The following SMARCD1 variants were observed in gnomAD, a reference collection of about 807,000 sequenced individuals.
The protein encoded by SMARCD1 is SWI/SNF related BAF chromatin remodeling complex subunit D1.
A neutral mutation model predicts 70.8 loss-of-function variants in SMARCD1; 16 were observed. That is an observed-to-expected ratio of 0.23 (90% CI 0.15 to 0.34). SMARCD1 has a LOEUF of 0.34. Ranked by LOEUF, SMARCD1 falls within the 10% of genes least tolerant of loss-of-function variation. SMARCD1 has a pLI of 1.00. For synonymous variants in SMARCD1, 249 were observed against 246.0 expected, an observed-to-expected ratio of 1.01 and a Z score of -0.11; for missense variants, 409 against 655.5, an observed-to-expected ratio of 0.62 and a Z score of 4.11.
intron 5 of SMARCD1, chr12:50,088,315 T>TG: frequency 1.4e-6 from 1 of 700,042 alleles, no homozygotes; most frequent in Non-Finnish European, 2.6e-6. Context: ...CTCTATGTGT[T>TG]CTAGGCTGCT....
intron 10 of SMARCD1, among the ~76,000 whole-genome samples, chr12:50,095,998 A>C (rs1950890513): frequency 6.6e-6 from 1 of 152,208 alleles, no homozygotes; most frequent in African/African-American, 2.4e-5. Flanking sequence ...GATCACTTGC[A>C]GGAAGGTGGA....
intron 10 of SMARCD1, among the ~76,000 whole-genome samples, chr12:50,094,829 G>A (rs1002551093): frequency 2.0e-5 from 3 of 151,972 alleles, no homozygotes; most frequent in Non-Finnish European, 2.9e-5. Flanking sequence ...CAGGAGTCTC[G>A]CTCTCTCGCC....
chr12:50,087,290 G>A, intron 4 of SMARCD1, 73 bp from the exon 5 acceptor site: 1 of 1,569,854 alleles, frequency 6.4e-7, no homozygotes, highest in Non-Finnish European at 8.7e-7. Flanking sequence ...TAATTTTGGG[G>A]TTTGGGGAGA....
intron 9 of SMARCD1, 115 bp from the exon 10 acceptor site, chr12:50,094,322 C>A: frequency 1.0e-6 from 1 of 1,001,428 alleles, no homozygotes; most frequent in Non-Finnish European, 1.5e-6. Flanking sequence ...CGAAAGTTCT[C>A]GGGCCCTTTT....
chr12:50,089,858 AC>A, intron 6 of SMARCD1, 25 bp from the exon 7 acceptor site: 3 of 1,548,736 alleles, frequency 1.9e-6, no homozygotes, highest in Non-Finnish European at 2.7e-6. Context: ...CTGGGAGAGC[AC>A]CCCCTGACAT....
intron 1 of SMARCD1, 166 bp downstream of exon 1, chr12:50,085,712 A>G: frequency 2.0e-6 from 1 of 495,302 alleles, no homozygotes; most frequent in Non-Finnish European, 3.2e-6. Context: ...GGAGGCAGTT[A>G]CACACCTGCT....
chr12:50,086,596 T>G (rs746212236), intron 2 of SMARCD1, 25 bp from the exon 3 acceptor site: 2 of 1,611,804 alleles, frequency 1.2e-6, no homozygotes, highest in Non-Finnish European at 1.7e-6. Flanking sequence ...TGTCCCAACC[T>G]GATAATAGTA....
chr12:50,093,788 T>G (rs1170595169), intron 9 of SMARCD1, among the ~76,000 whole-genome samples: 3 of 152,130 alleles, frequency 2.0e-5, no homozygotes, highest in African/African-American at 7.2e-5. Flanking sequence ...CGCCGAATTT[T>G]TTTTATTTTT....
chr12:50,090,031 C>G, intron 7 of SMARCD1, 46 bp downstream of exon 7: 1 of 1,482,862 alleles, frequency 6.7e-7, no homozygotes, highest in South Asian at 1.1e-5. Flanking sequence ...CAGCCACATA[C>G]CGTCAGCAGT....
chr12:50,099,067 T>C lies in SMARCD1; in HGVS notation c.*67T>C. 1 of 1,481,990 alleles carries C rather than the reference T, an allele frequency of 6.7e-7. No homozygotes were observed. Among genetic ancestry groups the C allele is most frequent in the South Asian group, 1.1e-5 (1 of 88,306 alleles). The allele number at this position is 1,481,990 out of a possible 1,614,324, so 91.8% of individuals were successfully genotyped here. A position where few individuals can be genotyped will look rare whatever the true frequency, so the allele number is the denominator to read the frequency against. ...TTTGGGCCCTGTGCTGCCTGCCTCATAGTATCTGCCTTGGTCTTGCTTGGG... is the reference window on the plus strand; with the variant it reads ...TTTGGGCCCTGTGCTGCCTGCCTCACAGTATCTGCCTTGGTCTTGCTTGGG... On this transcript the variant is annotated 3_prime_UTR_variant, in exon 13 of 13. Transcript: ENST00000394963.
chr12:50,097,473 A>G (rs1436683332), intron 11 of SMARCD1, among the ~76,000 whole-genome samples: 1 of 151,814 alleles, frequency 6.6e-6, no homozygotes, highest in African/African-American at 2.4e-5. Context: ...AATTGCTTGA[A>G]CCCAGGAAGC....
intron 6 of SMARCD1, chr12:50,089,565 G>C (rs561551377): frequency 4.3e-6 from 1 of 233,608 alleles, no homozygotes; most frequent in Admixed American, 5.0e-5. Context: ...AAATGTCTTA[G>C]AATACTGTCA....
At position 50,086,146 on chromosome 12, in the gene SMARCD1, C is replaced by G. The variant is rs1480828110; in HGVS notation, c.178-15C>G. On this transcript the variant is annotated splice_polypyrimidine_tract_variant and intron_variant, in intron 1 of 12. Transcript: ENST00000394963. ...GGTGAAACCATGACATCTCTGGGTC[C>G]TCTCCCCTCTGTAGAGACCAGGTAT... is the stretch of plus-strand genomic sequence containing the variant. 3.4e-6 allele frequency: 5 copies of G among 1,483,598 alleles called. No individual in the cohort carries two copies. The highest frequency in any genetic ancestry group is 3.6e-6 in the Non-Finnish European group (4 of 1,109,964). The allele number at this position is 1,483,598 out of a possible 1,614,324, so 91.9% of individuals were successfully genotyped here.
At chr12:50,087,007 C>G in intron 4 of SMARCD1, 129 bp downstream of exon 4, 1 of 950,738 alleles carries the variant, frequency 1.1e-6, no homozygotes, top group Non-Finnish European at 1.6e-6. Flanking sequence ...TCCCTTCCGC[C>G]TACAAACTGA....
intron 11 of SMARCD1, 141 bp from the exon 12 acceptor site, chr12:50,098,572 AG>A: frequency 3.1e-6 from 2 of 641,090 alleles, no homozygotes; most frequent in Non-Finnish European, 5.5e-6. Context: ...TTTCCAAATA[AG>A]GTCACATTCA....
chr12:50,089,137 C>T (rs551881982), intron 6 of SMARCD1: 2 of 152,396 alleles, frequency 1.3e-5, no homozygotes, highest in South Asian at 2.1e-4. Context: ...GATTGCACAA[C>T]GTTTTGAAGC....
chr12:50,097,419 G>C (rs1191614779), intron 11 of SMARCD1, among the ~76,000 whole-genome samples: 2 of 152,106 alleles, frequency 1.3e-5, no homozygotes, highest in South Asian at 4.2e-4. Flanking sequence ...GGGCGTGGTG[G>C]TGCGCGCCTG....
chr12:50,092,208 CTTTCT>C (rs1167507360), intron 9 of SMARCD1, among the ~76,000 whole-genome samples: 2 of 140,766 alleles, frequency 1.4e-5, no homozygotes, highest in Non-Finnish European at 1.5e-5. Context: ...CTGGTAAGGG[CTTTCT>C]TTTCTTTTCT....
intron 10 of SMARCD1, chr12:50,096,646 A>T: frequency 1.9e-6 from 1 of 539,234 alleles, no homozygotes. Flanking sequence ...CACATGGGGT[A>T]TACAGAGAGA....
Sources: gnomAD v4.1 joint callset for allele counts (sites outside exome capture counted in the v4.1 genomes callset) on GRCh38, gnomAD v4.1.1 for gene constraint, MANE v1.5 for transcripts, NCBI Gene and HGNC (gene_info 2026-07-23, HGNC 2026-07-21) for gene names.